The following IQSEC3 variants were observed in gnomAD, a reference collection of about 807,000 sequenced individuals.
The protein encoded by IQSEC3 is IQ motif and Sec7 domain ArfGEF 3.
In IQSEC3, 50 loss-of-function variants were observed where a neutral mutation model predicts 105.4. The ratio of observed to expected loss-of-function variants is 0.47; its 90% confidence interval spans 0.38 to 0.60. IQSEC3 has a LOEUF of 0.60. Among genes scored for constraint, IQSEC3 ranks in the 20% least tolerant of loss-of-function variants. IQSEC3 has a pLI of 0.00. For missense variants in IQSEC3, 1,415 were observed against 1,630.0 expected (o/e 0.87, Z 2.27); for synonymous variants, 708 against 746.0 (o/e 0.95, Z 0.83).
chr12:141,307 C>T, intron 5 of IQSEC3, 22 bp downstream of exon 5: 5 of 1,602,008 alleles, frequency 3.1e-6, no homozygotes, highest in Non-Finnish European at 3.4e-6. Flanking sequence ...ACACTCCGGG[C>T]TTTCCCCACT....
intron 1 of IQSEC3, among the ~76,000 whole-genome samples, chr12:83,941 G>A (rs1222454245): frequency 1.3e-5 from 2 of 152,172 alleles, no homozygotes; most frequent in Non-Finnish European, 1.5e-5. Flanking sequence ...GTACTGACGG[G>A]AAGATATTAC....
chr12:90,226 G>T (rs944092887), intron 1 of IQSEC3, among the ~76,000 whole-genome samples: 1 of 152,232 alleles, frequency 6.6e-6, no homozygotes, highest in African/African-American at 2.4e-5. Flanking sequence ...CTTTGGAGAA[G>T]TGTCTGTTCA....
chr12:73,808 T>C (rs1863419486), intron 1 of IQSEC3, among the ~76,000 whole-genome samples: 1 of 152,286 alleles, frequency 6.6e-6, no homozygotes, highest in Non-Finnish European at 1.5e-5. Context: ...CCTTTCTACA[T>C]GTGCTCTATT....
Position 174,641 on chromosome 12 carries a change from G to A in IQSEC3, c.3157G>A (p.Gly1053Arg), listed in dbSNP as rs1037070690. ...NRLQTSQHNS[G>R]LGAERGAPVP... The stretch of plus-strand genomic sequence containing the variant: ...GCTTCAAACGTCCCAGCACAACTCC[G>A]GGCTGGGGGCCGAGAGGGGAGCGCC... Residue 1053 changes from glycine (G) to arginine (R), a missense_variant, in exon 14 of 14, where the codon GGG becomes AGG. Gly to Arg is a moderately radical substitution (Grantham distance 125). This residue lies in a region of IQSEC3 where 419 missense variants were observed against 436.2 expected (regional missense o/e 0.96). Transcript: ENST00000538872. 19 of 1,578,576 alleles carry A rather than the reference G, an allele frequency of 1.2e-5. No individual in the cohort carries two copies. The highest frequency in any genetic ancestry group is 6.8e-5 in the South Asian group (6 of 88,394).
intron 1 of IQSEC3, among the ~76,000 whole-genome samples, chr12:79,187 G>A (rs1555070140): frequency 2.0e-5 from 3 of 151,596 alleles, no homozygotes; most frequent in African/African-American, 7.3e-5. Context: ...GCAGCGCAGG[G>A]GCTGTGGCCA....
At chr12:174,473 T>G in intron 13 of IQSEC3, 126 bp from the exon 14 acceptor site, 1 of 859,376 alleles carries the variant, frequency 1.2e-6, no homozygotes, top group Non-Finnish European at 1.7e-6. Flanking sequence ...GGTGGAGAGA[T>G]GGCGAGAGGG....
At chr12:125,592 G>A (rs782147452) in intron 2 of IQSEC3, 41 bp from the exon 3 acceptor site, 32 of 1,458,086 alleles carry the variant, frequency 2.2e-5, no homozygotes, top group Middle Eastern at 3.7e-4. Context: ...GCACCCTGTC[G>A]CCCTCTCCCC....
At chr12:99,243 GCATCCC>G (rs782383158) in intron 2 of IQSEC3, 29 bp downstream of exon 2, 1 of 1,585,926 alleles carries the variant, frequency 6.3e-7, no homozygotes, top group Admixed American at 1.7e-5. Context: ...CCTCCCTTCC[GCATCCC>G]CACCTTCCTT....
rs1178260927 is a variant in IQSEC3, at chr12:108,155, C to G, written c.623+8941C>G. On this transcript the variant is annotated intron_variant, in intron 2 of 13. Coordinates refer to ENST00000538872, the MANE Select transcript of IQSEC3 (RefSeq NM_001170738.2). ...TCTATAGAGTTTCCTTTCTGATGGCCGTTTACATGAACTATGGCTACCTCT... is the reference window on the plus strand; with the variant it reads ...TCTATAGAGTTTCCTTTCTGATGGCGGTTTACATGAACTATGGCTACCTCT... Among the ~76,000 whole-genome samples the G allele has an allele frequency of 2.0e-5, 3 of 152,194 alleles. No homozygotes were observed. The South Asian group carries it at 6.2e-4, about 32-fold the overall frequency.
chr12:116,819 AT>A, intron 2 of IQSEC3, among the ~76,000 whole-genome samples: 1 of 152,200 alleles, frequency 6.6e-6, no homozygotes, highest in East Asian at 1.9e-4. Flanking sequence ...AGTGTTGATT[AT>A]GTAAAGACAA....
chr12:105,194 G>T (rs2136930333), intron 2 of IQSEC3, among the ~76,000 whole-genome samples: 1 of 152,382 alleles, frequency 6.6e-6, no homozygotes, highest in African/African-American at 2.4e-5. Context: ...TGGCGGCAGG[G>T]GAGGTTAAAG....
At chr12:132,893 C>T (rs1423623537) in intron 3 of IQSEC3, among the ~76,000 whole-genome samples, 1 of 152,230 alleles carries the variant, frequency 6.6e-6, no homozygotes, top group African/African-American at 2.4e-5. Context: ...AGCTCCTGCT[C>T]TCTGCTGGGT....
chr12:75,597 G>C (rs1176776101), intron 1 of IQSEC3, among the ~76,000 whole-genome samples: 6 of 152,250 alleles, frequency 3.9e-5, no homozygotes, highest in Non-Finnish European at 8.8e-5. Context: ...GGTTTGCTAT[G>C]GGGCAGGAAG....
Position 125,642 on chromosome 12 carries a change from C to T in IQSEC3, c.633C>T (p.Ser211=). The change falls in exon 3 of 14, where the codon TCC becomes TCT. Residue 211 remains serine, a synonymous_variant. Coordinates refer to ENST00000538872, the MANE Select transcript of IQSEC3 (RefSeq NM_001170738.2). The stretch of plus-strand genomic sequence containing the variant: ...TGCCTTCTGTTCACAGTGATGGCTC[C>T]TGCACCCAGGCCGGTGGGGGCATGG... ...CSDLASQSDG[S]CTQAGGGMED... is the part of the protein sequence containing the mutation. 1 of 1,518,188 alleles carries T rather than the reference C, an allele frequency of 6.6e-7. No homozygotes were observed. The highest frequency in any genetic ancestry group is 8.7e-7 in the Non-Finnish European group (1 of 1,145,124). 94.0% of individuals were successfully genotyped at this position (1,518,188 alleles called of 1,614,324 possible).
At chr12:75,907 T>C (rs566517589) in intron 1 of IQSEC3, among the ~76,000 whole-genome samples, 174 of 152,338 alleles carry the variant, frequency 1.1e-3, no homozygotes, top group Middle Eastern at 6.8e-3. Context: ...TTCTTCAGGC[T>C]GGTTGGGGTG....
rs142778645 is a variant in IQSEC3 at position 117,763 on chromosome 12, A to G, written c.624-7870A>G. 7.1e-3 allele frequency among the ~76,000 whole-genome samples: 1,084 copies of G among 152,364 alleles called. 9 individuals are homozygous for G. The highest frequency in any genetic ancestry group is 0.034 in the East Asian group (174 of 5,184). The stretch of plus-strand genomic sequence containing the variant: ...AGAACTTCTTCTCTCCTTGGGAGCC[A>G]GACAGGAGAAGCATCTCTTACAGCC... On this transcript the variant is annotated intron_variant, in intron 2 of 13. Transcript: ENST00000538872.
intron 5 of IQSEC3, chr12:143,987 C>G (rs1181775952): frequency 6.5e-6 from 1 of 153,804 alleles, no homozygotes; most frequent in African/African-American, 2.4e-5. Flanking sequence ...GGAACCCTGG[C>G]TTGGGCAAGG....
intron 1 of IQSEC3, among the ~76,000 whole-genome samples, chr12:70,709 C>T (rs1555067261): frequency 6.6e-6 from 1 of 152,284 alleles, no homozygotes; most frequent in Non-Finnish European, 1.5e-5. Context: ...AGCACATTTG[C>T]CCAACCACCA....
chr12:173,402 G>A (rs1430133364), intron 13 of IQSEC3, among the ~76,000 whole-genome samples: 2 of 152,196 alleles, frequency 1.3e-5, no homozygotes, highest in African/African-American at 4.8e-5. Context: ...TTGCCCCCTG[G>A]GAGTGCACAG....
Sources: allele counts gnomAD v4.1 joint callset (sites outside exome capture counted in the v4.1 genomes callset), GRCh38; gene constraint gnomAD v4.1.1; regional missense constraint gnomAD v4.1.1; transcripts MANE v1.5; gene names NCBI Gene and HGNC (gene_info 2026-07-23, HGNC 2026-07-21).